Variants in LSS observed in about 807,000 individuals in gnomAD.
LSS encodes the protein lanosterol synthase.
In LSS, 90 loss-of-function variants were observed where a neutral mutation model predicts 110.3. The ratio of observed to expected loss-of-function variants is 0.82; its 90% CI spans 0.69 to 0.97. The LOEUF (loss-of-function observed/expected upper bound fraction) is 0.97, where lower values mean the gene tolerates loss of function less well. Among genes scored for constraint, LSS ranks in the 50% least tolerant of loss-of-function variants. The pLI is 0.00. For synonymous variants in LSS, 433 were observed against 400.0 expected, an observed-to-expected ratio of 1.08 and a Z score of -0.98; for missense variants, 927 against 990.0, an observed-to-expected ratio of 0.94 and a Z score of 0.85.
intron 19 of LSS, among the ~76,000 whole-genome samples, chr21:46,195,456 T>C (rs1030863190): frequency 6.6e-6 from 1 of 152,202 alleles, no homozygotes; most frequent in Admixed American, 6.5e-5. Context: ...GCACCTGTGA[T>C]CCCAGCTACT....
At chr21:46,192,486 C>T (rs896214181) in intron 20 of LSS, 24 of 455,248 alleles carry the variant, frequency 5.3e-5, no homozygotes, top group African/African-American at 4.8e-4. Flanking sequence ...CCTAATAGGG[C>T]AGCACAGACG....
At chr21:46,203,211 A>G (rs1297872211) in intron 17 of LSS, among the ~76,000 whole-genome samples, 1 of 152,272 alleles carries the variant, frequency 6.6e-6, no homozygotes, top group Non-Finnish European at 1.5e-5. Context: ...ATGGTCATGA[A>G]TAAATATTTA....
chr21:46,208,659 A>G (rs775981037), intron 13 of LSS, among the ~76,000 whole-genome samples: 29 of 152,200 alleles, frequency 1.9e-4, no homozygotes, highest in Admixed American at 5.2e-4. Context: ...TGCCTCCTGA[A>G]CAACCTCAGC....
At chr21:46,221,804 T>C in intron 5 of LSS, 50 bp downstream of exon 5, 1 of 1,611,376 alleles carries the variant, frequency 6.2e-7, no homozygotes, top group Non-Finnish European at 8.5e-7. Context: ...GAGAGCTCAT[T>C]ATCGAGTTGA....
At position 46,189,836 on chromosome 21, in the gene LSS, G is replaced by A; in HGVS notation, c.*1268C>T. ...TCTCAGTGACTCCTCCCAGTAGCCA[G>A]GGGAGAGCAGTGACAGTCTCAGGTG... is the stretch of plus-strand genomic sequence containing the variant. On this transcript the variant is annotated 3_prime_UTR_variant, in exon 22 of 22. Transcript: ENST00000397728. The A allele has an allele frequency of 2.4e-6, 1 of 412,690 alleles. No homozygotes were observed. 25.6% of individuals were successfully genotyped at this position (412,690 alleles called of 1,614,324 possible).
At chr21:46,227,406 C>T in intron 3 of LSS, 146 bp downstream of exon 3, 1 of 988,642 alleles carries the variant, frequency 1.0e-6, no homozygotes, top group Non-Finnish European at 1.5e-6. Context: ...CAGGACGACT[C>T]TGACATAGGG....
chr21:46,195,652 A>T, intron 19 of LSS, 24 bp downstream of exon 19: 1 of 1,607,608 alleles, frequency 6.2e-7, no homozygotes, highest in Non-Finnish European at 8.5e-7. Context: ...ACCCCCACCC[A>T]CCAGAGGACA....
chr21:46,191,998 G>A (rs1033812753), intron 20 of LSS, 39 bp from the exon 21 acceptor site: 136 of 1,420,512 alleles, frequency 9.6e-5, no homozygotes, highest in Non-Finnish European at 1.3e-4. Flanking sequence ...CAGCATGCAT[G>A]CCCCCACAGC....
At chr21:46,207,754 C>T (rs767974302) in intron 14 of LSS, among the ~76,000 whole-genome samples, 177 bp from the exon 15 acceptor site, 7 of 152,216 alleles carry the variant, frequency 4.6e-5, no homozygotes, top group Non-Finnish European at 8.8e-5. Flanking sequence ...GACAGACCTC[C>T]AGCTTCCAGC....
chr21:46,228,498 A>G lies in LSS; in HGVS notation c.116T>C (p.Leu39Pro). ...CERGRQTWTY[L>P]QDERAGREQT... is the part of the protein sequence containing the mutation. ...CTCGCGGCCGGCGCGCTCGTCCTGC[A>G]GGTAGGTCCACGTCTGCCGGCCCCT... The change falls in exon 2 of 22, where the codon CTG becomes CCG. Residue 39 changes from leucine (L) to proline (P), a missense_variant. By Grantham distance (98) the Leu-to-Pro change is moderately conservative (BLOSUM62 -3). Coordinates refer to ENST00000397728, the MANE Select transcript of LSS (RefSeq NM_002340.6). 1 of 1,602,812 alleles carries G rather than the reference A, an allele frequency of 6.2e-7. No individual in the cohort carries two copies. Among genetic ancestry groups the G allele is most frequent in the Non-Finnish European group, 8.5e-7 (1 of 1,179,528 alleles).
At chr21:46,219,225 GCCTGCAGCCTGACT>G (rs1451623025) in intron 6 of LSS, among the ~76,000 whole-genome samples, 1 of 152,172 alleles carries the variant, frequency 6.6e-6, no homozygotes, top group Admixed American at 6.5e-5. Flanking sequence ...ACCCAGCCCT[GCCTGCAGCCTGACT>G]CGGGGTACCT....
intron 12 of LSS, among the ~76,000 whole-genome samples, chr21:46,210,063 CTTT>C (rs71318051): frequency 2.8e-5 from 3 of 107,592 alleles, no homozygotes; most frequent in Admixed American, 1.1e-4. Context: ...AGTTCCAGTT[CTTT>C]TTTTTTTTTT....
intron 17 of LSS, among the ~76,000 whole-genome samples, chr21:46,204,085 G>A (rs993037473): frequency 6.6e-6 from 1 of 152,162 alleles, no homozygotes; most frequent in East Asian, 1.9e-4. Context: ...CTGAGGTCAG[G>A]AGTTCAAGAC....
chr21:46,208,136 A>C, intron 14 of LSS, 115 bp downstream of exon 14: 4 of 954,414 alleles, frequency 4.2e-6, no homozygotes, highest in Non-Finnish European at 6.4e-6. Context: ...ACACCCAAAA[A>C]CGCCAAGGGA....
chr21:46,213,649 C>T, intron 10 of LSS, 89 bp downstream of exon 10: 3 of 1,122,914 alleles, frequency 2.7e-6, no homozygotes, highest in South Asian at 1.3e-5. Flanking sequence ...TCCCAGATGG[C>T]ACCGTGGGGG....
At position 46,190,839 on chromosome 21, in the gene LSS, C is replaced by A. The variant is rs1446154735; in HGVS notation, c.*265G>T. 2 of 497,938 alleles carry A rather than the reference C, an allele frequency of 4.0e-6. No homozygotes were observed. The highest frequency in any genetic ancestry group is 7.2e-6 in the Non-Finnish European group (2 of 278,146). 30.8% of individuals were successfully genotyped at this position (497,938 alleles called of 1,614,324 possible). On this transcript the variant is annotated 3_prime_UTR_variant, in exon 22 of 22. Coordinates refer to ENST00000397728, the MANE Select transcript of LSS (RefSeq NM_002340.6). This position sits in a 1 kb window ranked among gnomAD's most constrained non-coding sequence, Gnocchi z 4.6. ...GAGGTGGCAGAAGGCGCTGTGCCTC[C>A]TCAGGGGTCACGGCTCCTGTGCCCC...
At chr21:46,218,694 T>C (rs1226304194) in intron 6 of LSS, among the ~76,000 whole-genome samples, 1 of 151,464 alleles carries the variant, frequency 6.6e-6, no homozygotes, top group African/African-American at 2.4e-5. Context: ...ATTTAAACAG[T>C]ATGTGGTTCT....
intron 14 of LSS, 47 bp downstream of exon 14, chr21:46,208,204 G>A (rs1345026352): frequency 2.2e-5 from 34 of 1,535,496 alleles, no homozygotes; most frequent in Admixed American, 2.0e-4. Flanking sequence ...TGCTGAGGGC[G>A]GCCTCCCCTG....
intron 3 of LSS, among the ~76,000 whole-genome samples, chr21:46,223,932 C>A (rs923052381): frequency 6.6e-6 from 1 of 152,164 alleles, no homozygotes; most frequent in African/African-American, 2.4e-5. Context: ...GAAAGGGAGG[C>A]TCCCTTTCCC....
Sources: gnomAD v4.1 joint callset for allele counts (sites outside exome capture counted in the v4.1 genomes callset) on GRCh38, gnomAD v4.1.1 for gene constraint, Gnocchi (gnomAD v3.1) non-coding constraint, MANE v1.5 for transcripts, NCBI Gene and HGNC (gene_info 2026-07-23, HGNC 2026-07-21) for gene names.